Variants in ACTN1 observed in about 807,000 individuals in gnomAD.
ACTN1 encodes the protein actinin alpha 1, also known as alpha-actinin-1.
In ACTN1, 30 loss-of-function variants were observed where a neutral mutation model predicts 119.6. The ratio of observed to expected loss-of-function variants is 0.25; its 90% CI spans 0.19 to 0.34. ACTN1 has a LOEUF of 0.34. ACTN1 is among the 10% of genes least tolerant of loss of function. The probability of loss-of-function intolerance (pLI) is 1.00; values close to 1 mark genes in which losing one functional copy is unlikely to be tolerated. For missense variants in ACTN1, 764 were observed against 1,223.4 expected (o/e 0.62, Z 5.60); for synonymous variants, 429 against 472.6 (o/e 0.91, Z 1.20).
chr14:68,955,830 C>G (rs1412739815), intron 1 of ACTN1, among the ~76,000 whole-genome samples: 3 of 152,222 alleles, frequency 2.0e-5, no homozygotes, highest in Admixed American at 1.3e-4. Context: ...AGTTTACAAC[C>G]AGGAAAGCAA....
intron 1 of ACTN1, among the ~76,000 whole-genome samples, chr14:68,965,723 G>A (rs1443802253): frequency 1.3e-5 from 2 of 152,146 alleles, no homozygotes; most frequent in African/African-American, 4.8e-5. Flanking sequence ...CAGAGCCCAG[G>A]ACACACAAGA....
intron 1 of ACTN1, among the ~76,000 whole-genome samples, chr14:68,938,951 A>G (rs1211541167): frequency 6.6e-6 from 1 of 152,106 alleles, no homozygotes; most frequent in Non-Finnish European, 1.5e-5. Flanking sequence ...ACACCCATCT[A>G]CAGCCCATTT....
At chr14:68,897,997 C>T (rs572043465) in intron 8 of ACTN1, among the ~76,000 whole-genome samples, 1 of 152,276 alleles carries the variant, frequency 6.6e-6, no homozygotes, top group South Asian at 2.1e-4. Context: ...GCCTTCCCCC[C>T]ACAGACCTCA....
chr14:68,978,557 G>A (rs1260466311), intron 1 of ACTN1: 1 of 283,110 alleles, frequency 3.5e-6, no homozygotes, highest in African/African-American at 2.3e-5. Context: ...GCCAGGGGCG[G>A]AAGAAAAGGG....
At chr14:68,899,041 G>T (rs1177320639) in intron 8 of ACTN1, among the ~76,000 whole-genome samples, 1 of 65,840 alleles carries the variant, frequency 1.5e-5, no homozygotes, top group Non-Finnish European at 2.8e-5. Flanking sequence ...ACACACACAT[G>T]CCACACCTCA....
chr14:68,890,782 G>A (rs372213630), intron 10 of ACTN1, among the ~76,000 whole-genome samples: 67 of 152,266 alleles, frequency 4.4e-4, no homozygotes, highest in African/African-American at 1.5e-3. Flanking sequence ...CAGAGACCCC[G>A]GCCTGGGTGA....
chr14:68,978,257 A>C (rs978628186), intron 1 of ACTN1: 3 of 455,470 alleles, frequency 6.6e-6, no homozygotes, highest in African/African-American at 6.0e-5. Flanking sequence ...GCGCAAGCCC[A>C]TGTCGGGGTT....
At chr14:68,917,767 C>T (rs2034388038) in intron 3 of ACTN1, among the ~76,000 whole-genome samples, 1 of 152,322 alleles carries the variant, frequency 6.6e-6, no homozygotes, top group East Asian at 1.9e-4. Context: ...GAACGTCTCA[C>T]TTTAAAGGAA....
At chr14:68,953,320 C>A (rs1049496097) in intron 1 of ACTN1, among the ~76,000 whole-genome samples, 4 of 152,166 alleles carry the variant, frequency 2.6e-5, no homozygotes, top group African/African-American at 7.2e-5. Context: ...CAGCTAAAGG[C>A]CCAAACCACT....
chr14:68,957,930 A>T (rs1429447558), intron 1 of ACTN1, among the ~76,000 whole-genome samples: 1 of 152,104 alleles, frequency 6.6e-6, no homozygotes, highest in East Asian at 1.9e-4. Flanking sequence ...ATTTTACCAA[A>T]CACCCTGGCT....
At chr14:68,968,431 G>C (rs1218776233) in intron 1 of ACTN1, among the ~76,000 whole-genome samples, 1 of 152,242 alleles carries the variant, frequency 6.6e-6, no homozygotes, top group Non-Finnish European at 1.5e-5. Flanking sequence ...GGAGATGTGG[G>C]AGCAAAAGGA....
At position 68,902,680 on chromosome 14, in the gene ACTN1, G is replaced by A. The variant is rs111924676; in HGVS notation, c.677-118C>T. The A allele has an allele frequency of 5.6e-5, 44 of 789,680 alleles. 3 individuals are homozygous for A. The highest frequency in any genetic ancestry group is 3.0e-4 in the African/African-American group (17 of 56,998). The allele number at this position is 789,680 out of a possible 1,614,324, so 48.9% of individuals were successfully genotyped here. On this transcript the variant is annotated intron_variant, in intron 7 of 21. Transcript: ENST00000394419. ...GTCTTCTTGCCAAAATGTGGAGCCC[G>A]AATCTAACCAGCCTCTGGCGTCAAC...
At chr14:68,883,349 A>C in intron 14 of ACTN1, 1 of 355,180 alleles carries the variant, frequency 2.8e-6, no homozygotes, top group South Asian at 8.1e-5. Flanking sequence ...TACCCAGGTG[A>C]CCTCCCACAA....
chr14:68,939,320 A>G (rs146901841), intron 1 of ACTN1, among the ~76,000 whole-genome samples: 58 of 152,314 alleles, frequency 3.8e-4, no homozygotes, highest in African/African-American at 1.3e-3. Context: ...CAGGGACCCA[A>G]GAGCCCACCC....
chr14:68,954,413 C>T (rs1039623729), intron 1 of ACTN1, among the ~76,000 whole-genome samples: 17 of 152,226 alleles, frequency 1.1e-4, no homozygotes, highest in East Asian at 7.7e-4. Context: ...CTGCAACCTC[C>T]GCCTTCCAGT....
In ACTN1 at chr14:68,950,462, G is replaced by GTGTGTGTGTGTGTGTGTGTATA; in HGVS notation, c.106-24791_106-24790insTATACACACACACACACACACA. Among the ~76,000 whole-genome samples, 278 of 125,916 alleles carry GTGTGTGTGTGTGTGTGTGTATA rather than the reference G, an allele frequency of 2.2e-3. 23 individuals are homozygous for GTGTGTGTGTGTGTGTGTGTATA. Among genetic ancestry groups the GTGTGTGTGTGTGTGTGTGTATA allele is most frequent in the African/African-American group, 0.011 (262 of 24,334 alleles). 82.6% of individuals were successfully genotyped at this position (125,916 alleles called of 152,430 possible). ...TTTACCATAATATATATGCGTGTGT[G>GTGTGTGTGTGTGTGTGTGTATA]TATATATATATATATAAATCAAACA... On this transcript the variant is annotated intron_variant, in intron 1 of 21. Coordinates refer to ENST00000394419, the MANE Select transcript of ACTN1 (RefSeq NM_001130004.2).
intron 2 of ACTN1, among the ~76,000 whole-genome samples, chr14:68,923,262 C>A (rs936512004): frequency 6.6e-6 from 1 of 152,076 alleles, no homozygotes; most frequent in Admixed American, 6.5e-5. Context: ...AACAAGCGAA[C>A]CGAAAATGAC....
intron 1 of ACTN1, among the ~76,000 whole-genome samples, chr14:68,934,634 A>T (rs1048615855): frequency 6.6e-6 from 1 of 152,248 alleles, no homozygotes; most frequent in Non-Finnish European, 1.5e-5. Context: ...CTAAATATAA[A>T]GCAAAGGCTG....
intron 6 of ACTN1, among the ~76,000 whole-genome samples, chr14:68,906,074 G>A (rs1015358030): frequency 1.3e-5 from 2 of 151,948 alleles, no homozygotes; most frequent in Non-Finnish European, 1.5e-5. Flanking sequence ...AGAGGCCGGG[G>A]GGGCAGGAAA....
Sources: gnomAD v4.1 joint callset for allele counts (sites outside exome capture counted in the v4.1 genomes callset) on GRCh38, gnomAD v4.1.1 for gene constraint, MANE v1.5 for transcripts, NCBI Gene and HGNC (gene_info 2026-07-23, HGNC 2026-07-21) for gene names.